The following CPEB1 variants were observed in gnomAD, a reference collection of about 807,000 sequenced individuals.
CPEB1 encodes the protein cytoplasmic polyadenylation element-binding protein 1.
A neutral mutation model predicts 65.8 loss-of-function variants in CPEB1; 7 were observed. The observed-to-expected ratio is 0.11, with a 90% CI of 0.06 to 0.20. The LOEUF is 0.20. CPEB1 is among the 10% of genes least tolerant of loss of function. The pLI, the probability that CPEB1 is intolerant of heterozygous loss-of-function variation, is 1.00. For missense variants in CPEB1, 551 were observed against 712.2 expected (o/e 0.77, Z 2.58); for synonymous variants, 262 against 260.0 (o/e 1.01, Z -0.08).
At chr15:82,594,376 A>AAAGAC (rs1240870737) in intron 3 of CPEB1, among the ~76,000 whole-genome samples, 7 of 151,998 alleles carry the variant, frequency 4.6e-5, no homozygotes, top group African/African-American at 1.7e-4. Context: ...AAAGAAAAGA[A>AAAGAC]AAGAAAAGAA....
At chr15:82,633,964 TAA>T (rs112776351) in intron 1 of CPEB1, among the ~76,000 whole-genome samples, 26 of 133,200 alleles carry the variant, frequency 2.0e-4, no homozygotes, top group African/African-American at 3.6e-4. Flanking sequence ...CCTAAAGGTA[TAA>T]AAAAAAAAAA....
chr15:82,632,808 C>A (rs781200410), intron 1 of CPEB1, among the ~76,000 whole-genome samples: 7 of 152,096 alleles, frequency 4.6e-5, no homozygotes, highest in Admixed American at 6.5e-5. Flanking sequence ...GGATTACAGG[C>A]ATGAGCTACC....
intron 3 of CPEB1, among the ~76,000 whole-genome samples, chr15:82,605,189 AG>A (rs1409706859): frequency 2.0e-5 from 3 of 152,228 alleles, no homozygotes; most frequent in African/African-American, 7.2e-5. Context: ...CTAGACAAAA[AG>A]GGAGTTTGTC....
chr15:82,579,136 A>G (rs1011065046), intron 3 of CPEB1, among the ~76,000 whole-genome samples: 5 of 152,152 alleles, frequency 3.3e-5, no homozygotes, highest in African/African-American at 1.2e-4. Flanking sequence ...AAATTACATG[A>G]GATTTTAAAA....
intron 9 of CPEB1, among the ~76,000 whole-genome samples, chr15:82,552,052 C>T (rs1415944112): frequency 1.3e-5 from 2 of 152,144 alleles, no homozygotes; most frequent in African/African-American, 2.4e-5. Context: ...GAGGAATTCA[C>T]CCCCACAGAC....
intron 3 of CPEB1, among the ~76,000 whole-genome samples, chr15:82,579,266 GC>G (rs2040980898): frequency 6.6e-6 from 1 of 152,116 alleles, no homozygotes; most frequent in Admixed American, 6.6e-5. Flanking sequence ...GTTCAAGACT[GC>G]CTGGGCAACA....
At chr15:82,603,560 GCT>G (rs940686025) in intron 3 of CPEB1, among the ~76,000 whole-genome samples, 36 of 149,188 alleles carry the variant, frequency 2.4e-4, no homozygotes, top group African/African-American at 9.0e-4. Flanking sequence ...AAGGCCCTAA[GCT>G]CTCTCTCCTG....
At chr15:82,634,616 T>C (rs1309869122) in intron 1 of CPEB1, among the ~76,000 whole-genome samples, 2 of 152,204 alleles carry the variant, frequency 1.3e-5, no homozygotes, top group Admixed American at 6.5e-5. Flanking sequence ...TACTCAGTCC[T>C]CCAGAGAGAG....
At chr15:82,576,029 G>C (rs543727761) in intron 3 of CPEB1, among the ~76,000 whole-genome samples, 1 of 152,304 alleles carries the variant, frequency 6.6e-6, no homozygotes, top group African/African-American at 2.4e-5. Context: ...ACCTGTGCAA[G>C]AATAGTCATA....
At chr15:82,604,381 C>G (rs2043377752) in intron 3 of CPEB1, among the ~76,000 whole-genome samples, 1 of 150,462 alleles carries the variant, frequency 6.6e-6, no homozygotes, top group South Asian at 2.1e-4. Flanking sequence ...ACTCAGGAGG[C>G]TGATGCAGGA....
intron 3 of CPEB1, among the ~76,000 whole-genome samples, chr15:82,598,979 A>G (rs889709896): frequency 6.6e-6 from 1 of 152,198 alleles, no homozygotes; most frequent in African/African-American, 2.4e-5. Context: ...TAACTCTTAT[A>G]TCTGAGGAAA....
upstream of CPEB1, chr15:82,647,700 CCCACGCCCGCGGGCACGTGA>C (rs1420340257): frequency 9.2e-6 from 5 of 543,190 alleles, no homozygotes; most frequent in Admixed American, 4.7e-5. Context: ...TCCACGAGGC[CCCACGCCCGCGGGCACGTGA>C]CCGCGCCCCG....
Position 82,598,416 on chromosome 15 carries a change from C to G in CPEB1, c.272-26884G>C, listed in dbSNP as rs531721636. ...GGCTGAAGCAGGAGAATCGCTTGAA[C>G]GTGGGACGCAGAGGTTGCAGTGAGC... is the stretch of plus-strand genomic sequence containing the variant. On this transcript the variant is annotated intron_variant, in intron 3 of 12. Transcript: ENST00000684509. 3.3e-5 allele frequency among the ~76,000 whole-genome samples: 5 copies of G among 152,158 alleles called. No homozygotes were observed. The South Asian group carries it at 1.0e-3, about 32-fold the overall frequency.
intron 3 of CPEB1, among the ~76,000 whole-genome samples, chr15:82,579,843 C>T (rs1051455026): frequency 7.2e-6 from 1 of 138,568 alleles, no homozygotes; most frequent in African/African-American, 2.7e-5. Flanking sequence ...ACCCGGGAAG[C>T]GGAGCTTGCA....
chr15:82,618,576 C>A (rs1008035399), intron 3 of CPEB1, among the ~76,000 whole-genome samples: 4 of 152,082 alleles, frequency 2.6e-5, no homozygotes, highest in African/African-American at 9.7e-5. Flanking sequence ...ATTTGGGAGA[C>A]AGGTTACCTC....
At chr15:82,582,263 T>G (rs2041349666) in intron 3 of CPEB1, among the ~76,000 whole-genome samples, 1 of 152,168 alleles carries the variant, frequency 6.6e-6, no homozygotes, top group Admixed American at 6.5e-5. Context: ...TGGTGTTTGA[T>G]TTTTTACAAA....
At chr15:82,601,239 T>TAAAATA (rs1942295682) in intron 3 of CPEB1, among the ~76,000 whole-genome samples, 1 of 144,426 alleles carries the variant, frequency 6.9e-6, no homozygotes, top group South Asian at 2.3e-4. Context: ...GTGGTTTTCT[T>TAAAATA]AAAAAAAAAA....
At chr15:82,641,859 G>A (rs1175944551) in intron 1 of CPEB1, among the ~76,000 whole-genome samples, 1 of 152,034 alleles carries the variant, frequency 6.6e-6, no homozygotes, top group Non-Finnish European at 1.5e-5. Context: ...CCAGGTCCAA[G>A]TTAATCAAAA....
intron 4 of CPEB1, among the ~76,000 whole-genome samples, chr15:82,566,640 TCCATTACCTGTAGAAAAGA>T (rs775303909): frequency 3.3e-5 from 5 of 152,268 alleles, no homozygotes; most frequent in African/African-American, 7.2e-5. Context: ...TCAGGCAAGT[TCCATTACCTGTAGAAAAGA>T]CATATTCATG....
Sources: gnomAD v4.1 joint callset for allele counts (sites outside exome capture counted in the v4.1 genomes callset) on GRCh38, gnomAD v4.1.1 for gene constraint, MANE v1.5 for transcripts, NCBI Gene and HGNC (gene_info 2026-07-23, HGNC 2026-07-21) for gene names.